EFCAB5: variants seen among roughly 807,000 people sequenced by gnomAD.
EFCAB5 encodes EF-hand calcium-binding domain-containing protein 5.
A neutral mutation model predicts 167.9 loss-of-function variants in EFCAB5; 131 were observed. The observed-to-expected ratio is 0.78, with a 90% CI of 0.68 to 0.90. EFCAB5 has a LOEUF of 0.90. Ranked by LOEUF, EFCAB5 falls within the 40% of genes least tolerant of loss-of-function variation. The probability of loss-of-function intolerance (pLI) is 0.00; values close to 1 mark genes in which losing one functional copy is unlikely to be tolerated. For missense variants in EFCAB5, 1,663 were observed against 1,745.2 expected (o/e 0.95, Z 0.84); for synonymous variants, 574 against 602.8 (o/e 0.95, Z 0.70).
intron 14 of EFCAB5, 115 bp from the exon 15 acceptor site, chr17:30,078,100 T>C (rs1202622901): frequency 8.5e-7 from 1 of 1,181,132 alleles, no homozygotes; most frequent in Non-Finnish European, 1.2e-6. Flanking sequence ...TATACTTGGT[T>C]TTCCAGGAGA....
chr17:30,039,881 A>G (rs76751077), intron 8 of EFCAB5, among the ~76,000 whole-genome samples: 185 of 152,254 alleles, frequency 1.2e-3, no homozygotes, highest in African/African-American at 4.3e-3. Flanking sequence ...CCTTTTCCCA[A>G]ATCTATGAAA....
intron 14 of EFCAB5, chr17:30,072,936 A>G (rs2070777592): frequency 4.7e-6 from 2 of 425,302 alleles, no homozygotes; most frequent in African/African-American, 2.0e-5. Context: ...TTTTTATTCA[A>G]TGGGTTATAT....
intron 22 of EFCAB5, among the ~76,000 whole-genome samples, chr17:30,097,201 C>T (rs926575759): frequency 1.1e-4 from 17 of 151,996 alleles, no homozygotes; most frequent in African/African-American, 3.9e-4. Context: ...GGATTACAGG[C>T]ATGTGCCACC....
chr17:30,095,229 A>G (rs1000671710), intron 22 of EFCAB5, among the ~76,000 whole-genome samples: 7 of 152,164 alleles, frequency 4.6e-5, no homozygotes, highest in Admixed American at 1.3e-4. Context: ...CCAAGTGACC[A>G]TACCTCCTCC....
At chr17:30,047,993 G>C (rs1057032861) in intron 8 of EFCAB5, among the ~76,000 whole-genome samples, 4 of 152,162 alleles carry the variant, frequency 2.6e-5, no homozygotes, top group African/African-American at 9.7e-5. Flanking sequence ...GGGTAAATAT[G>C]CATTGGCAAA....
intron 14 of EFCAB5, among the ~76,000 whole-genome samples, chr17:30,076,365 C>T (rs559970949): frequency 5.3e-5 from 8 of 152,372 alleles, no homozygotes; most frequent in Admixed American, 5.2e-4. Flanking sequence ...TGCTCCACCT[C>T]TAGAACTATG....
intron 7 of EFCAB5, among the ~76,000 whole-genome samples, chr17:30,012,240 G>T (rs2068922221): frequency 6.6e-6 from 1 of 152,084 alleles, no homozygotes; most frequent in South Asian, 2.1e-4. Flanking sequence ...GGGGGAGTTT[G>T]GAGAAGACTC....
rs2069499385 is a variant in EFCAB5 at position 30,032,317 on chromosome 17, G to A, written c.1045-1913G>A. ...GTTTCTCTCCATAACAGACTTTCCC[G>A]GCAGTCTCAGTTCACATGGAGGAAT... On this transcript the variant is annotated intron_variant, in intron 7 of 22. Transcript: ENST00000394835. 1.3e-5 allele frequency among the ~76,000 whole-genome samples: 2 copies of A among 152,036 alleles called. 1 individual carries two copies. Among genetic ancestry groups the A allele is most frequent in the South Asian group, 4.1e-4 (2 of 4,828 alleles).
At chr17:30,071,909 T>C (rs1380244094) in intron 14 of EFCAB5, among the ~76,000 whole-genome samples, 1 of 152,172 alleles carries the variant, frequency 6.6e-6, no homozygotes, top group Middle Eastern at 3.2e-3. Flanking sequence ...AAGATAAATA[T>C]TACATGTTCT....
At chr17:30,103,333 A>G (rs1269700300) in intron 22 of EFCAB5, among the ~76,000 whole-genome samples, 1 of 151,852 alleles carries the variant, frequency 6.6e-6, no homozygotes, top group East Asian at 1.9e-4. Flanking sequence ...TTGTAAATAT[A>G]ATTTGCATTG....
At chr17:30,047,525 T>C (rs1320779090) in intron 8 of EFCAB5, among the ~76,000 whole-genome samples, 2 of 152,172 alleles carry the variant, frequency 1.3e-5, no homozygotes, top group Non-Finnish European at 1.5e-5. Flanking sequence ...AAGTTAGTGC[T>C]CATAAGTATA....
At chr17:30,032,600 C>T (rs561668432) in intron 7 of EFCAB5, among the ~76,000 whole-genome samples, 3 of 152,198 alleles carry the variant, frequency 2.0e-5, no homozygotes, top group East Asian at 3.9e-4. Flanking sequence ...TACAAACAGA[C>T]CTTGTTAAAA....
intron 7 of EFCAB5, among the ~76,000 whole-genome samples, chr17:30,015,773 T>C (rs1342645197): frequency 1.3e-5 from 2 of 151,014 alleles, no homozygotes; most frequent in Non-Finnish European, 3.0e-5. Context: ...TTTTTTTTTT[T>C]TTTCTTTTGA....
At chr17:30,027,965 CAT>C (rs769101500) in intron 7 of EFCAB5, among the ~76,000 whole-genome samples, 2 of 152,176 alleles carry the variant, frequency 1.3e-5, no homozygotes, top group Non-Finnish European at 2.9e-5. Context: ...ACTCCTGAAT[CAT>C]ATAATGGGTT....
At chr17:30,054,463 C>G (rs1022038700) in intron 10 of EFCAB5, among the ~76,000 whole-genome samples, 2 of 152,130 alleles carry the variant, frequency 1.3e-5, no homozygotes, top group Non-Finnish European at 2.9e-5. Context: ...AATGTAATGT[C>G]TGATATTAGA....
chr17:30,000,746 T>C (rs937261140), intron 7 of EFCAB5, among the ~76,000 whole-genome samples: 7 of 152,206 alleles, frequency 4.6e-5, no homozygotes, highest in African/African-American at 1.7e-4. Flanking sequence ...ATTGTATAGA[T>C]AAGAATTTGG....
intron 14 of EFCAB5, chr17:30,068,594 G>T: frequency 7.9e-7 from 1 of 1,258,148 alleles, no homozygotes. Flanking sequence ...GCTGACATGG[G>T]CAGGTCCCTT....
At chr17:29,958,904 G>A (rs1053784847) in intron 3 of EFCAB5, among the ~76,000 whole-genome samples, 2 of 152,278 alleles carry the variant, frequency 1.3e-5, no homozygotes, top group African/African-American at 2.4e-5. Context: ...GTACTGCCTT[G>A]GTTGTCTTGG....
chr17:30,031,496 T>C (rs939997616), intron 7 of EFCAB5, among the ~76,000 whole-genome samples: 3 of 152,078 alleles, frequency 2.0e-5, no homozygotes, highest in African/African-American at 4.8e-5. Flanking sequence ...ACCTCAAGAG[T>C]AGACAAACAC....
Sources: allele counts gnomAD v4.1 joint callset (sites outside exome capture counted in the v4.1 genomes callset), GRCh38; gene constraint gnomAD v4.1.1; transcripts MANE v1.5; gene names NCBI Gene and HGNC (gene_info 2026-07-23, HGNC 2026-07-21).